The following ZSWIM4 variants were observed in gnomAD, a reference collection of about 807,000 sequenced individuals.
ZSWIM4 encodes zinc finger SWIM domain-containing protein 4.
A neutral mutation model predicts 102.5 loss-of-function variants in ZSWIM4; 62 were observed. The observed-to-expected ratio is 0.60, with a 90% CI of 0.49 to 0.75. The LOEUF (loss-of-function observed/expected upper bound fraction) is 0.75, where lower values mean the gene tolerates loss of function less well. Among genes scored for constraint, ZSWIM4 ranks in the 30% least tolerant of loss-of-function variants. The pLI, the probability that ZSWIM4 is intolerant of heterozygous loss-of-function variation, is 0.00. For missense variants in ZSWIM4, 1,280 were observed against 1,529.6 expected (o/e 0.84, Z 2.72); for synonymous variants, 652 against 674.5 (o/e 0.97, Z 0.52).
rs1975759910 is a variant in ZSWIM4 at position 13,831,183 on chromosome 19, G to A, written c.*133G>A. The A allele has an allele frequency of 8.4e-7, 1 of 1,185,448 alleles. No homozygotes were observed. 73.4% of individuals were successfully genotyped at this position (1,185,448 alleles called of 1,614,324 possible). A position where few individuals can be genotyped will look rare whatever the true frequency, so the allele number is the denominator to read the frequency against. On this transcript the variant is annotated 3_prime_UTR_variant, in exon 14 of 14. Coordinates refer to ENST00000590508, the MANE Select transcript of ZSWIM4 (RefSeq NM_001367834.3). The stretch of plus-strand genomic sequence containing the variant: ...GAGCCCGGCTGGAGATGGGGGCAGG[G>A]GGAGCAGCATCCTGCCACGTGTGTG...
At chr19:13,810,691 GC>G (rs1161275555) in intron 5 of ZSWIM4, among the ~76,000 whole-genome samples, 1 of 151,392 alleles carries the variant, frequency 6.6e-6, no homozygotes, top group Non-Finnish European at 1.5e-5. Flanking sequence ...CTCACTGCAA[GC>G]TCTGCCTCCT....
chr19:13,818,548 CTTCTT>C (rs139221142), intron 9 of ZSWIM4, among the ~76,000 whole-genome samples: 1,548 of 152,236 alleles, frequency 0.01, 21 homozygotes, highest in African/African-American at 0.036. Context: ...CCTGGAGTCT[CTTCTT>C]TTCCTTTTCC....
rs563131236 is a variant in ZSWIM4, at chr19:13,814,218, G to A, written c.1181-297G>A. Among the ~76,000 whole-genome samples the A allele has an allele frequency of 3.2e-4, 49 of 151,888 alleles. No homozygotes were observed. In the South Asian group the frequency reaches 9.8e-3, roughly 30 times the overall value. ...ATTACAGGTGTGCACCACCACGCCA[G>A]GGTTAATTTTAGTAGAGATGGGGTG... On this transcript the variant is annotated intron_variant, in intron 6 of 13. Transcript: ENST00000590508.
At chr19:13,817,483 T>C (rs966652494) in intron 8 of ZSWIM4, 130 bp downstream of exon 8, 3 of 1,290,718 alleles carry the variant, frequency 2.3e-6, no homozygotes, top group Admixed American at 5.0e-5. Flanking sequence ...CTTGGCTACC[T>C]CCTCTGGCCA....
chr19:13,802,058 C>T (rs1418506357), intron 2 of ZSWIM4, among the ~76,000 whole-genome samples: 2 of 151,100 alleles, frequency 1.3e-5, no homozygotes, highest in African/African-American at 2.4e-5. Context: ...TTACTGCAAC[C>T]TCCACTTCCT....
At position 13,817,877 on chromosome 19, in the gene ZSWIM4, G is replaced by A; in HGVS notation, c.1825G>A (p.Val609Met). 2 of 1,552,820 alleles carry A rather than the reference G, an allele frequency of 1.3e-6. No individual in the cohort carries two copies. The highest frequency in any genetic ancestry group is 1.7e-6 in the Non-Finnish European group (2 of 1,147,752). The change falls in exon 9 of 14, where the codon GTG becomes ATG. Residue 609 changes from valine (V) to methionine (M), a missense_variant. Physicochemically the swap from Val to Met is conservative, Grantham distance 21. Transcript: ENST00000590508. ...PEGLYAQDKV[V>M]RNEEQLLALL... The stretch of plus-strand genomic sequence containing the variant: ...GGGGCTGTACGCCCAGGACAAGGTG[G>A]TGCGCAACGAGGAGCAGCTGCTGGC...
chr19:13,808,538 C>A (rs1455575713), intron 3 of ZSWIM4, among the ~76,000 whole-genome samples: 1 of 151,778 alleles, frequency 6.6e-6, no homozygotes, highest in African/African-American at 2.4e-5. Flanking sequence ...GAGTTTGAGA[C>A]CAGCCTGACC....
chr19:13,831,126 C>T lies in ZSWIM4; in HGVS notation c.*76C>T. ...CACCCTTGCTCTCCAATTAGGCCCA[C>T]GTGGCATTTCAGTATTATTAAGTCA... On this transcript the variant is annotated 3_prime_UTR_variant, in exon 14 of 14. Coordinates refer to ENST00000590508, the MANE Select transcript of ZSWIM4 (RefSeq NM_001367834.3). 21 of 1,493,340 alleles carry T rather than the reference C, an allele frequency of 1.4e-5. No individual in the cohort carries two copies. The highest frequency in any genetic ancestry group is 1.9e-5 in the Non-Finnish European group (21 of 1,127,016). The allele number at this position is 1,493,340 out of a possible 1,614,324, so 92.5% of individuals were successfully genotyped here.
In ZSWIM4 at chr19:13,799,738, C is replaced by T. The variant is rs781655188; in HGVS notation, c.172C>T (p.Arg58Trp). The T allele has an allele frequency of 9.9e-6, 16 of 1,613,888 alleles. No individual in the cohort carries two copies. The East Asian group carries it at 1.6e-4, about 16-fold the overall frequency. The change falls in exon 2 of 14, where the codon CGG becomes TGG. Residue 58 changes from arginine (R) to tryptophan (W), a missense_variant. Transcript: ENST00000590508. ...AFEQVEERFSRVPEPVQKRIV... is the reference protein window; with the variant it reads ...AFEQVEERFSWVPEPVQKRIV... ...CCTACAGGTGGAGGAGCGGTTCTCC[C>T]GGGTGCCTGAGCCCGTCCAGAAGCG...
rs541530623 is a variant in ZSWIM4, at chr19:13,820,197, G to A, written c.2060+705G>A. Among the ~76,000 whole-genome samples, 26 of 151,884 alleles carry A rather than the reference G, an allele frequency of 1.7e-4. No individual in the cohort carries two copies. The South Asian group carries it at 4.8e-3, about 28-fold the overall frequency. On this transcript the variant is annotated intron_variant, in intron 10 of 13. Coordinates refer to ENST00000590508, the MANE Select transcript of ZSWIM4 (RefSeq NM_001367834.3). The stretch of plus-strand genomic sequence containing the variant: ...CAGGCATAAGCCACCTCGCACAGCC[G>A]TGCTTTTTATTATTAAGTATAAATG...
At position 13,809,314 on chromosome 19, in the gene ZSWIM4, G is replaced by C; in HGVS notation, c.1012+94G>C. The stretch of plus-strand genomic sequence containing the variant: ...AGATTAGGGTCTGTTCCCTGAATCC[G>C]CCCTCCATTCGTTTGGCAAACATTT... On this transcript the variant is annotated intron_variant, in intron 5 of 13. Coordinates refer to ENST00000590508, the MANE Select transcript of ZSWIM4 (RefSeq NM_001367834.3). The surrounding 1 kb of genome is among the most constrained non-coding windows in gnomAD (Gnocchi z 4.2). 2 of 1,463,466 alleles carry C rather than the reference G, an allele frequency of 1.4e-6. No homozygotes were observed. The highest frequency in any genetic ancestry group is 9.0e-7 in the Non-Finnish European group (1 of 1,106,982). The allele number at this position is 1,463,466 out of a possible 1,614,324, so 90.7% of individuals were successfully genotyped here.
intron 13 of ZSWIM4, among the ~76,000 whole-genome samples, chr19:13,829,354 G>C (rs773042356): frequency 1.3e-5 from 2 of 152,136 alleles, no homozygotes; most frequent in African/African-American, 2.4e-5. Context: ...ACTTTGGGAG[G>C]CCAAGGCATG....
At chr19:13,800,064 G>GT in intron 2 of ZSWIM4, 143 bp downstream of exon 2, 1 of 417,188 alleles carries the variant, frequency 2.4e-6, no homozygotes. Flanking sequence ...GATTGTACAA[G>GT]ATTTTTTTTT....
In ZSWIM4 at chr19:13,804,876, G is replaced by A. The variant is rs1303874483; in HGVS notation, c.440G>A (p.Arg147His). The change falls in exon 3 of 14, where the codon CGC becomes CAC. Residue 147 changes from arginine (R) to histidine (H), a missense_variant. Arg to His is a conservative substitution (Grantham distance 29). Coordinates refer to ENST00000590508, the MANE Select transcript of ZSWIM4 (RefSeq NM_001367834.3). ...RLYHVSISFD[R>H]CKITSVSCGC... ...TACCATGTCTCCATCAGCTTTGATC[G>A]CTGCAAGATCACGTCCGTGAGCTGC... 2.5e-6 allele frequency: 4 copies of A among 1,613,376 alleles called. No homozygotes were observed. The highest frequency in any genetic ancestry group is 2.5e-6 in the Non-Finnish European group (3 of 1,180,010).
In ZSWIM4 at chr19:13,831,088, C is replaced by T. The variant is rs771067856; in HGVS notation, c.*38C>T. On this transcript the variant is annotated 3_prime_UTR_variant, in exon 14 of 14. Coordinates refer to ENST00000590508, the MANE Select transcript of ZSWIM4 (RefSeq NM_001367834.3). ...TGCGTGGGAGTGGGGATCCCCCTCG[C>T]CCCTGCGTCCCCCACCCTTGCTCTC... 10 of 1,519,758 alleles carry T rather than the reference C, an allele frequency of 6.6e-6. No individual in the cohort carries two copies. The highest frequency in any genetic ancestry group is 1.3e-5 in the South Asian group (1 of 77,722). 94.1% of individuals were successfully genotyped at this position (1,519,758 alleles called of 1,614,324 possible). A position where few individuals can be genotyped will look rare whatever the true frequency, so the allele number is the denominator to read the frequency against.
Position 13,809,933 on chromosome 19 carries a change from A to T in ZSWIM4, c.1012+713A>T, listed in dbSNP as rs1247066331. ...TGGCCTCTCAAAGTGCTGGGATGAC[A>T]GGCATGAGCCACTGTACCAAGCTGA... On this transcript the variant is annotated intron_variant, in intron 5 of 13. Transcript: ENST00000590508. This position sits in a 1 kb window ranked among gnomAD's most constrained non-coding sequence, Gnocchi z 4.2. Among the ~76,000 whole-genome samples the T allele has an allele frequency of 6.6e-6, 1 of 152,006 alleles. No homozygotes were observed. Among genetic ancestry groups the T allele is most frequent in the African/African-American group, 2.4e-5 (1 of 41,412 alleles).
At position 13,823,481 on chromosome 19, in the gene ZSWIM4, C is replaced by T. The variant is rs1975523840; in HGVS notation, c.2196C>T (p.Thr732=). ...LETRQCELAS[T]MLTAAKGDPK... ...CCCGCCAGTGTGAACTGGCTTCCACCATGTTGACGGCCGCCAAGGGTGAGG... is the reference window on the plus strand; with the variant it reads ...CCCGCCAGTGTGAACTGGCTTCCACTATGTTGACGGCCGCCAAGGGTGAGG... The change falls in exon 11 of 14, where the codon ACC becomes ACT. Residue 732 remains threonine (T), a synonymous_variant. Transcript: ENST00000590508. 6.3e-7 allele frequency: 1 copy of T among 1,581,036 alleles called. No individual in the cohort carries two copies. The highest frequency in any genetic ancestry group is 2.3e-5 in the East Asian group (1 of 42,676).
In ZSWIM4 at chr19:13,817,921, G is replaced by A. The variant is rs1230178895; in HGVS notation, c.1869G>A (p.Glu623=). 1.9e-6 allele frequency: 3 copies of A among 1,546,198 alleles called. No individual in the cohort carries two copies. The Admixed American group carries it at 5.9e-5, about 31-fold the overall frequency. ...TGCTGGCCCTGCTGGAGGAGGTGGA[G>A]TTGGATGAGCGGTTGGTGCAGGTGC... ...EQLLALLEEV[E]LDERLVQVLR... Residue 623 remains glutamate, a synonymous_variant, in exon 9 of 14, where the codon GAG becomes GAA. Transcript: ENST00000590508.
rs752971893 is a variant in ZSWIM4, at chr19:13,817,706, G to C, written c.1670-16G>C. The C allele has an allele frequency of 6.2e-7, 1 of 1,606,884 alleles. No individual in the cohort carries two copies. The highest frequency in any genetic ancestry group is 1.1e-5 in the South Asian group (1 of 89,220). ...AGGGGATCCGTCTCCAGCAGCCCTGGCCCTGTCTCCCCCAGACTCAGGCCC... is the reference window on the plus strand; with the variant it reads ...AGGGGATCCGTCTCCAGCAGCCCTGCCCCTGTCTCCCCCAGACTCAGGCCC... On this transcript the variant is annotated splice_polypyrimidine_tract_variant and intron_variant, in intron 8 of 13. Coordinates refer to ENST00000590508, the MANE Select transcript of ZSWIM4 (RefSeq NM_001367834.3).
Sources: allele counts gnomAD v4.1 joint callset (sites outside exome capture counted in the v4.1 genomes callset), GRCh38; gene constraint gnomAD v4.1.1; non-coding constraint Gnocchi (gnomAD v3.1); transcripts MANE v1.5; gene names NCBI Gene and HGNC (gene_info 2026-07-23, HGNC 2026-07-21).